Variants in CLEC16A observed in about 807,000 individuals in gnomAD.
CLEC16A encodes the protein protein CLEC16A.
Under a neutral mutation model 109.5 loss-of-function variants are expected in CLEC16A, and 51 were observed. The ratio of observed to expected loss-of-function variants is 0.47; its 90% CI spans 0.37 to 0.59. The LOEUF is 0.59. CLEC16A is among the 20% of genes least tolerant of loss of function. The pLI is 0.00. For missense variants in CLEC16A, 1,339 were observed against 1,394.0 expected (o/e 0.96, Z 0.63); for synonymous variants, 673 against 564.2 (o/e 1.19, Z -2.73).
At chr16:10,983,147 A>G (rs2043423930) in intron 10 of CLEC16A, among the ~76,000 whole-genome samples, 156 bp downstream of exon 10, 1 of 152,234 alleles carries the variant, frequency 6.6e-6, no homozygotes, top group African/African-American at 2.4e-5. Flanking sequence ...CAGAGTCTTG[A>G]TTGCATACCC....
intron 22 of CLEC16A, among the ~76,000 whole-genome samples, chr16:11,152,886 G>A (rs1363508513): frequency 2.6e-5 from 4 of 152,118 alleles, no homozygotes; most frequent in African/African-American, 9.7e-5. Flanking sequence ...GGCGCCAGGG[G>A]TCATTGAAAG....
At chr16:11,062,482 G>C (rs961214699) in intron 19 of CLEC16A, among the ~76,000 whole-genome samples, 1 of 152,114 alleles carries the variant, frequency 6.6e-6, no homozygotes, top group South Asian at 2.1e-4. Flanking sequence ...TTAAAATACA[G>C]AATTGTTTTC....
At chr16:11,101,117 G>A (rs937462876) in intron 19 of CLEC16A, among the ~76,000 whole-genome samples, 1 of 152,134 alleles carries the variant, frequency 6.6e-6, no homozygotes, top group Non-Finnish European at 1.5e-5. Context: ...TAAACTCTTT[G>A]TTCGTGTTAT....
chr16:11,040,070 G>A (rs1160066114), intron 14 of CLEC16A, 194 bp downstream of exon 14: 1 of 582,130 alleles, frequency 1.7e-6, no homozygotes, highest in African/African-American at 1.9e-5. Flanking sequence ...TTAGCTCTGG[G>A]TCTCCTTTTG....
chr16:11,160,314 C>T (rs1432321919), intron 22 of CLEC16A, among the ~76,000 whole-genome samples: 2 of 152,180 alleles, frequency 1.3e-5, no homozygotes, highest in Non-Finnish European at 2.9e-5. Context: ...CCTTCCCACC[C>T]TTTAGTCTCT....
intron 22 of CLEC16A, among the ~76,000 whole-genome samples, chr16:11,165,778 C>T (rs1246049046): frequency 6.6e-6 from 1 of 152,158 alleles, no homozygotes. Context: ...GCAGACTCCA[C>T]CTCCAGGTCC....
chr16:10,977,495 C>T (rs891196842), intron 8 of CLEC16A, 96 bp downstream of exon 8: 1 of 1,123,506 alleles, frequency 8.9e-7, no homozygotes, highest in Admixed American at 2.9e-5. Flanking sequence ...CATTGCAAAT[C>T]AGGACTGAGG....
chr16:11,095,378 C>G (rs943829933), intron 19 of CLEC16A, among the ~76,000 whole-genome samples: 1 of 152,134 alleles, frequency 6.6e-6, no homozygotes, highest in African/African-American at 2.4e-5. Flanking sequence ...CCCCACCTCC[C>G]CATTTTCACC....
chr16:11,066,638 A>G (rs1394076693), intron 19 of CLEC16A: 1 of 152,234 alleles, frequency 6.6e-6, no homozygotes, highest in African/African-American at 2.4e-5. Context: ...TGACGTAACC[A>G]TGGTGCAATT....
At chr16:10,985,576 C>G (rs1357089532) in intron 10 of CLEC16A, among the ~76,000 whole-genome samples, 1 of 151,020 alleles carries the variant, frequency 6.6e-6, no homozygotes, top group Non-Finnish European at 1.5e-5. Flanking sequence ...GCATGATTTC[C>G]AAGCCTGAGG....
intron 19 of CLEC16A, among the ~76,000 whole-genome samples, chr16:11,084,045 C>T (rs1325905673): frequency 6.6e-6 from 1 of 152,154 alleles, no homozygotes; most frequent in Non-Finnish European, 1.5e-5. Context: ...CCAGCAGGAC[C>T]ACACTGAGCC....
At chr16:11,155,803 G>A (rs779422066) in intron 22 of CLEC16A, among the ~76,000 whole-genome samples, 18 of 152,190 alleles carry the variant, frequency 1.2e-4, no homozygotes, top group Admixed American at 1.3e-4. Context: ...CTGCAAAGTC[G>A]GAGTCCTGGC....
At chr16:11,018,163 C>T (rs914681247) in intron 11 of CLEC16A, among the ~76,000 whole-genome samples, 1 of 151,468 alleles carries the variant, frequency 6.6e-6, no homozygotes, top group Non-Finnish European at 1.5e-5. Context: ...AAAAATTAGC[C>T]GGGTGTGCTG....
chr16:11,090,676 G>A (rs1235733269), intron 19 of CLEC16A, among the ~76,000 whole-genome samples: 5 of 151,938 alleles, frequency 3.3e-5, no homozygotes, highest in African/African-American at 1.2e-4. Flanking sequence ...AGAGAGTCTC[G>A]CTCTGTTGTT....
chr16:11,141,844 A>G (rs1470606504), intron 22 of CLEC16A, among the ~76,000 whole-genome samples: 1 of 152,196 alleles, frequency 6.6e-6, no homozygotes, highest in Non-Finnish European at 1.5e-5. Flanking sequence ...GGGACAGGCA[A>G]AGCATTTCCC....
chr16:11,116,461 G>A (rs550715642), intron 19 of CLEC16A, among the ~76,000 whole-genome samples: 126 of 152,216 alleles, frequency 8.3e-4, no homozygotes, highest in African/African-American at 2.8e-3. Context: ...ATTTGCTGTG[G>A]GGGTACCTGG....
At chr16:10,984,104 A>G (rs918593820) in intron 10 of CLEC16A, among the ~76,000 whole-genome samples, 1 of 152,128 alleles carries the variant, frequency 6.6e-6, no homozygotes, top group African/African-American at 2.4e-5. Context: ...CAGGCTGGTA[A>G]AAGGGCCAGC....
intron 20 of CLEC16A, among the ~76,000 whole-genome samples, chr16:11,121,488 G>T (rs1004524011): frequency 6.6e-6 from 1 of 152,046 alleles, no homozygotes; most frequent in Non-Finnish European, 1.5e-5. Flanking sequence ...ATTCCCTTCC[G>T]CTCAACGTCA....
intron 10 of CLEC16A, among the ~76,000 whole-genome samples, chr16:10,985,202 CAAAA>C (rs1157089518): frequency 2.9e-5 from 3 of 103,688 alleles, no homozygotes; most frequent in South Asian, 3.1e-4. Flanking sequence ...GACTCCATCT[CAAAA>C]AAAAAAAAAA....
Sources: gnomAD v4.1 joint callset for allele counts (sites outside exome capture counted in the v4.1 genomes callset) on GRCh38, gnomAD v4.1.1 for gene constraint, MANE v1.5 for transcripts, NCBI Gene and HGNC (gene_info 2026-07-23, HGNC 2026-07-21) for gene names.